CRPPA: variants seen among roughly 807,000 people sequenced by gnomAD.
CRPPA encodes the protein CDP-L-ribitol pyrophosphorylase A.
A neutral mutation model predicts 52.0 loss-of-function variants in CRPPA; 43 were observed. That is an observed-to-expected ratio of 0.83 (90% CI 0.65 to 1.07). The LOEUF (loss-of-function observed/expected upper bound fraction) is 1.07. Among genes scored for constraint, CRPPA ranks in the 50% least tolerant of loss-of-function variants. The pLI, the probability that CRPPA is intolerant of heterozygous loss-of-function variation, is 0.00. For synonymous variants in CRPPA, 250 were observed against 203.5 expected (o/e 1.23, Z -1.94); for missense variants, 629 against 551.7 (o/e 1.14, Z -1.40).
intron 8 of CRPPA, among the ~76,000 whole-genome samples, chr7:16,217,768 C>G (rs1346586949): frequency 6.8e-6 from 1 of 147,500 alleles, no homozygotes; most frequent in East Asian, 2.0e-4. Context: ...ATGAGCAAAG[C>G]CTCCAAGAAA....
At chr7:16,278,873 T>C (rs914869030) in intron 5 of CRPPA, among the ~76,000 whole-genome samples, 6 of 152,224 alleles carry the variant, frequency 3.9e-5, no homozygotes, top group African/African-American at 1.2e-4. Context: ...CCAAAAGATA[T>C]GAAGTCCTCC....
intron 5 of CRPPA, among the ~76,000 whole-genome samples, chr7:16,295,175 C>A (rs545261565): frequency 1.4e-4 from 22 of 152,016 alleles, no homozygotes; most frequent in African/African-American, 4.3e-4. Context: ...TTTTCAGAAA[C>A]AAATAAAATA....
At chr7:16,216,754 A>G (rs1782331136) in intron 8 of CRPPA, among the ~76,000 whole-genome samples, 2 of 152,200 alleles carry the variant, frequency 1.3e-5, no homozygotes, top group Non-Finnish European at 2.9e-5. Context: ...ACGGCGCACC[A>G]CGAGATTATA....
chr7:16,171,325 T>C (rs1398690141), intron 9 of CRPPA, among the ~76,000 whole-genome samples: 1 of 152,218 alleles, frequency 6.6e-6, no homozygotes, highest in African/African-American at 2.4e-5. Flanking sequence ...ATATAAACGT[T>C]ACTTTTTTTA....
intron 6 of CRPPA, among the ~76,000 whole-genome samples, chr7:16,260,983 A>C (rs185088868): frequency 0.012 from 1,888 of 152,202 alleles, 12 homozygotes; most frequent in Middle Eastern, 0.02. Flanking sequence ...TAAAATGAAC[A>C]ATGTGGGAAA....
At chr7:16,245,310 T>C (rs1783239851) in intron 8 of CRPPA, among the ~76,000 whole-genome samples, 1 of 152,252 alleles carries the variant, frequency 6.6e-6, no homozygotes, top group African/African-American at 2.4e-5. Context: ...TACTCTTTTA[T>C]AATTATCATA....
At chr7:16,348,603 C>T (rs1215550525) in intron 3 of CRPPA, among the ~76,000 whole-genome samples, 1 of 152,188 alleles carries the variant, frequency 6.6e-6, no homozygotes, top group African/African-American at 2.4e-5. Flanking sequence ...AAGGGCTACG[C>T]CCTTTGGGAA....
chr7:16,163,653 C>G (rs1583401124), intron 9 of CRPPA, among the ~76,000 whole-genome samples: 1 of 152,260 alleles, frequency 6.6e-6, no homozygotes, highest in East Asian at 1.9e-4. Flanking sequence ...GTGGCTGGTA[C>G]CAGTTTTTCC....
At chr7:16,233,761 A>G (rs1782869350) in intron 8 of CRPPA, among the ~76,000 whole-genome samples, 1 of 152,178 alleles carries the variant, frequency 6.6e-6, no homozygotes, top group South Asian at 2.1e-4. Context: ...TACTTATCCC[A>G]GTCTTCACAG....
At chr7:16,315,351 A>G (rs1381844036) in intron 3 of CRPPA, among the ~76,000 whole-genome samples, 1 of 152,090 alleles carries the variant, frequency 6.6e-6, no homozygotes, top group Non-Finnish European at 1.5e-5. Flanking sequence ...CAATGTTGCC[A>G]TATCTGGGTC....
At chr7:16,273,751 G>A (rs1251452499) in intron 6 of CRPPA, among the ~76,000 whole-genome samples, 1 of 152,168 alleles carries the variant, frequency 6.6e-6, no homozygotes, top group East Asian at 1.9e-4. Context: ...AGACAGCAAA[G>A]GTAAAAGAGC....
Position 16,386,094 on chromosome 7 carries a change from G to A in CRPPA, c.535-9853C>T, listed in dbSNP as rs116119672. On this transcript the variant is annotated intron_variant, in intron 2 of 9. Coordinates refer to ENST00000407010, the MANE Select transcript of CRPPA (RefSeq NM_001101426.4). ...AATCATATCATACATGAATTTGAAC[G>A]TTGGTGAATGTGGGGGTTTTACTGA... Among the ~76,000 whole-genome samples, 869 of 152,232 alleles carry A rather than the reference G, an allele frequency of 5.7e-3. 3 individuals are homozygous for A. Among genetic ancestry groups the A allele is most frequent in the African/African-American group, 0.02 (812 of 41,536 alleles).
At chr7:16,414,849 T>C (rs1788157790) in intron 1 of CRPPA, among the ~76,000 whole-genome samples, 1 of 152,248 alleles carries the variant, frequency 6.6e-6, no homozygotes, top group Non-Finnish European at 1.5e-5. Flanking sequence ...TGAGTTGTTA[T>C]ATGTGATCCT....
chr7:16,352,705 A>G (rs1048854272), intron 3 of CRPPA, among the ~76,000 whole-genome samples: 2 of 152,162 alleles, frequency 1.3e-5, no homozygotes, highest in Non-Finnish European at 2.9e-5. Flanking sequence ...TTCCTCAAAA[A>G]ATAGAATTAT....
chr7:16,229,437 T>C (rs956969124), intron 8 of CRPPA, among the ~76,000 whole-genome samples: 3 of 152,052 alleles, frequency 2.0e-5, no homozygotes, highest in African/African-American at 7.2e-5. Flanking sequence ...TTTCTGTGTA[T>C]CTAATATAAG....
chr7:16,108,751 A>G (rs1782203700), intron 9 of CRPPA, among the ~76,000 whole-genome samples: 1 of 151,960 alleles, frequency 6.6e-6, no homozygotes. Flanking sequence ...AAATTATATT[A>G]AGTCTCTTTT....
chr7:16,163,111 C>G (rs1583400797), intron 9 of CRPPA, among the ~76,000 whole-genome samples: 3 of 151,524 alleles, frequency 2.0e-5, no homozygotes, highest in African/African-American at 7.3e-5. Context: ...GTAGCTGGGA[C>G]TACAGGCGCC....
At chr7:16,362,897 C>A (rs780166969) in intron 3 of CRPPA, among the ~76,000 whole-genome samples, 2 of 152,076 alleles carry the variant, frequency 1.3e-5, no homozygotes, top group African/African-American at 2.4e-5. Context: ...ATAATCATTT[C>A]TCTTCCTCCA....
intron 8 of CRPPA, among the ~76,000 whole-genome samples, chr7:16,234,505 T>C (rs561896663): frequency 6.6e-6 from 1 of 152,238 alleles, no homozygotes; most frequent in South Asian, 2.1e-4. Flanking sequence ...AAGATCAAGA[T>C]AGTAAAATGC....
Sources: gnomAD v4.1 joint callset for allele counts (sites outside exome capture counted in the v4.1 genomes callset) on GRCh38, gnomAD v4.1.1 for gene constraint, MANE v1.5 for transcripts, NCBI Gene and HGNC (gene_info 2026-07-23, HGNC 2026-07-21) for gene names.